Variants in PARVA observed in about 807,000 individuals in gnomAD.
The protein encoded by PARVA is alpha-parvin.
In PARVA, 25 loss-of-function variants were observed where a neutral mutation model predicts 52.6. The ratio of observed to expected loss-of-function variants is 0.48; its 90% CI spans 0.35 to 0.66. The LOEUF is 0.66. Ranked by LOEUF, PARVA falls within the 30% of genes least tolerant of loss-of-function variation. The pLI is 0.01. For missense variants in PARVA, 373 were observed against 450.9 expected, an observed-to-expected ratio of 0.83 and a Z score of 1.56; for synonymous variants, 185 against 179.1, an observed-to-expected ratio of 1.03 and a Z score of -0.26.
chr11:12,489,917 T>C (rs1230762862), intron 4 of PARVA, among the ~76,000 whole-genome samples: 1 of 152,160 alleles, frequency 6.6e-6, no homozygotes, highest in East Asian at 1.9e-4. Context: ...GAGGCGGCTT[T>C]AAAAAGTTAG....
chr11:12,505,599 A>G (rs1209253130), intron 6 of PARVA, among the ~76,000 whole-genome samples: 1 of 152,220 alleles, frequency 6.6e-6, no homozygotes. Context: ...GAGGGCTCAT[A>G]GGAAATGGGA....
chr11:12,447,052 C>T (rs1940556925), intron 1 of PARVA, among the ~76,000 whole-genome samples: 1 of 152,172 alleles, frequency 6.6e-6, no homozygotes, highest in African/African-American at 2.4e-5. Flanking sequence ...TGAGCATGCC[C>T]AGGCACCTGG....
Position 12,377,573 on chromosome 11 carries a change from T to A in PARVA, c.-75T>A, listed in dbSNP as rs2134936129. 6.7e-7 allele frequency: 1 copy of A among 1,497,254 alleles called. No individual in the cohort carries two copies. Among genetic ancestry groups the A allele is most frequent in the South Asian group, 1.3e-5 (1 of 78,612 alleles). 92.7% of individuals were successfully genotyped at this position (1,497,254 alleles called of 1,614,324 possible). ...TCCGTTTGGAAAGCCGCAGCCTCAGTCCCGCCGCCGCCCGCTGCGTCCGCC... is the reference window on the plus strand; with the variant it reads ...TCCGTTTGGAAAGCCGCAGCCTCAGACCCGCCGCCGCCCGCTGCGTCCGCC... On this transcript the variant is annotated 5_prime_UTR_variant, in exon 1 of 13. Transcript: ENST00000334956.
chr11:12,419,424 CTG>C lies in PARVA; in HGVS notation c.136+41645_136+41646del, dbSNP rs150899027. Reference sequence around the variant, plus strand: ...CTCAGTATAATGTCCAGAGCTATATCTGTGTTGTAGCATGTGTCAGAATATTC... The same window carrying C: ...CTCAGTATAATGTCCAGAGCTATATCTGTTGTAGCATGTGTCAGAATATTC... On this transcript the variant is annotated intron_variant, in intron 1 of 12. Coordinates refer to ENST00000334956, the MANE Select transcript of PARVA (RefSeq NM_018222.5). Among the ~76,000 whole-genome samples the C allele has an allele frequency of 4.4e-3, 670 of 152,286 alleles. 3 individuals are homozygous for C. The highest frequency in any genetic ancestry group is 0.017 in the Middle Eastern group (5 of 294).
At chr11:12,388,317 G>T (rs1218502624) in intron 1 of PARVA, among the ~76,000 whole-genome samples, 1 of 152,234 alleles carries the variant, frequency 6.6e-6, no homozygotes, top group Non-Finnish European at 1.5e-5. Context: ...CATTTAATAA[G>T]TGATAATTCT....
intron 12 of PARVA, among the ~76,000 whole-genome samples, chr11:12,524,379 T>C (rs1448554868): frequency 6.6e-6 from 1 of 152,214 alleles, no homozygotes; most frequent in African/African-American, 2.4e-5. Context: ...AAATGTCACT[T>C]AGTAACCATT....
rs1392679695 is a variant in PARVA at position 12,473,798 on chromosome 11, A to G, written c.190A>G (p.Ile64Val). Reference sequence around the variant, plus strand: ...CGCCATCAACCTGCCCCTCAGCCCAATTCCCTTTGAGCTGGACCCCGAGGA... The same window carrying G: ...CGCCATCAACCTGCCCCTCAGCCCAGTTCCCTTTGAGCTGGACCCCGAGGA... Reference protein sequence around the residue: ...MNAINLPLSPIPFELDPEDTM... With the variant: ...MNAINLPLSPVPFELDPEDTM... Residue 64 changes from isoleucine to valine, a missense_variant, in exon 2 of 13, where the codon ATT (isoleucine) becomes GTT (valine). Physicochemically the swap from Ile to Val is conservative, Grantham distance 29 (BLOSUM62 3). Transcript: ENST00000334956. 1.9e-6 allele frequency: 3 copies of G among 1,572,036 alleles called. No individual in the cohort carries two copies. Among genetic ancestry groups the G allele is most frequent in the Admixed American group, 1.8e-5 (1 of 54,668 alleles).
At chr11:12,449,554 A>G (rs910743543) in intron 1 of PARVA, among the ~76,000 whole-genome samples, 2 of 152,190 alleles carry the variant, frequency 1.3e-5, no homozygotes, top group Admixed American at 6.5e-5. Context: ...TCATGGACTT[A>G]CTGCTGCTCT....
chr11:12,429,892 A>C (rs1940292043), intron 1 of PARVA, among the ~76,000 whole-genome samples: 1 of 152,168 alleles, frequency 6.6e-6, no homozygotes, highest in African/African-American at 2.4e-5. Flanking sequence ...AACTTCATTC[A>C]CCAATGGCAT....
intron 1 of PARVA, among the ~76,000 whole-genome samples, chr11:12,435,068 G>A (rs1003349218): frequency 6.6e-6 from 1 of 152,146 alleles, no homozygotes; most frequent in South Asian, 2.1e-4. Context: ...CCAAACTGCC[G>A]TCTGACTTGT....
rs7942181 is a variant in PARVA, at chr11:12,516,359, G to T, written c.868-1251G>T. 6.8e-3 allele frequency among the ~76,000 whole-genome samples: 1,040 copies of T among 152,294 alleles called. 16 individuals are homozygous for T. Among genetic ancestry groups the T allele is most frequent in the African/African-American group, 0.023 (962 of 41,560 alleles). Reference sequence around the variant, plus strand: ...TTGAAAGGGTTCTAGAATGTCGGATGTGCATCTGACCTCTATGTCTTTGCT... The same window carrying T: ...TTGAAAGGGTTCTAGAATGTCGGATTTGCATCTGACCTCTATGTCTTTGCT... On this transcript the variant is annotated intron_variant, in intron 10 of 12. Transcript: ENST00000334956.
chr11:12,468,478 CAG>C (rs778257092), intron 1 of PARVA, among the ~76,000 whole-genome samples: 11 of 152,160 alleles, frequency 7.2e-5, no homozygotes, highest in South Asian at 4.1e-4. Flanking sequence ...GAACAAAAAT[CAG>C]GGGGAAATTA....
At chr11:12,513,647 C>A (rs960833919) in intron 9 of PARVA, 1 of 615,222 alleles carries the variant, frequency 1.6e-6, no homozygotes, top group Non-Finnish European at 3.0e-6. Context: ...GTCTCCCTGG[C>A]CTAGGCACCT....
At chr11:12,479,772 T>C (rs1941062309) in intron 4 of PARVA, 2 of 152,230 alleles carry the variant, frequency 1.3e-5, no homozygotes, top group South Asian at 2.1e-4. Flanking sequence ...TACATGTAAG[T>C]ATATATACAT....
At chr11:12,504,729 A>T (rs919961660) in intron 6 of PARVA, among the ~76,000 whole-genome samples, 1 of 136,366 alleles carries the variant, frequency 7.3e-6, no homozygotes, top group Non-Finnish European at 1.6e-5. Flanking sequence ...GGTGTGCGGT[A>T]TGTATGTGAG....
intron 1 of PARVA, among the ~76,000 whole-genome samples, chr11:12,403,886 CAG>C (rs1032220404): frequency 6.6e-6 from 1 of 152,234 alleles, no homozygotes; most frequent in African/African-American, 2.4e-5. Flanking sequence ...AAGTAGCTCT[CAG>C]AGAGAACTGT....
Position 12,490,528 on chromosome 11 carries a change from A to AGAG in PARVA, c.401-5930_401-5929insGAG, listed in dbSNP as rs35496292. The stretch of plus-strand genomic sequence containing the variant: ...TAAGACTATGTCTCAAAAAAAAAAA[A>AGAG]AGAGAGAGAGAGAAAATAAAGGCAT... On this transcript the variant is annotated intron_variant, in intron 4 of 12. Coordinates refer to ENST00000334956, the MANE Select transcript of PARVA (RefSeq NM_018222.5). Among the ~76,000 whole-genome samples the AGAG allele has an allele frequency of 6.7e-5, 10 of 149,464 alleles. No individual in the cohort carries two copies. In the East Asian group the frequency reaches 1.4e-3, roughly 21 times the overall value.
chr11:12,471,770 A>G (rs1337997340), intron 1 of PARVA, among the ~76,000 whole-genome samples: 1 of 152,220 alleles, frequency 6.6e-6, no homozygotes, highest in Non-Finnish European at 1.5e-5. Context: ...GGAATTTTTA[A>G]TTCACTGAAA....
intron 8 of PARVA, among the ~76,000 whole-genome samples, chr11:12,512,942 C>T (rs1236930486): frequency 1.3e-5 from 2 of 152,180 alleles, no homozygotes; most frequent in South Asian, 2.1e-4. Context: ...ATTTGGATAA[C>T]ATTCTCCCTC....
Sources: allele counts gnomAD v4.1 joint callset (sites outside exome capture counted in the v4.1 genomes callset), GRCh38; gene constraint gnomAD v4.1.1; transcripts MANE v1.5; gene names NCBI Gene and HGNC (gene_info 2026-07-23, HGNC 2026-07-21).